Variants in NBAS observed in about 807,000 individuals in gnomAD.
NBAS encodes NBAS subunit of NRZ tethering complex.
NBAS carries 219 observed loss-of-function variants against 302.5 expected under a neutral mutation model. That is an observed-to-expected ratio of 0.72 (90% CI 0.65 to 0.81). The LOEUF (loss-of-function observed/expected upper bound fraction) is 0.81. NBAS is among the 30% of genes least tolerant of loss of function. The pLI is 0.00. For missense variants in NBAS, 2,932 were observed against 2,841.6 expected (o/e 1.03, Z -0.72); for synonymous variants, 1,118 against 1,021.6 (o/e 1.09, Z -1.80).
At chr2:15,046,293 A>G in the NBAS span, among the ~76,000 whole-genome samples, 2 of 152,214 alleles carry the variant, frequency 1.3e-5, no homozygotes, top group African/African-American at 4.8e-5. Flanking sequence ...CTTAATTTGA[A>G]TGAGATACAA....
At chr2:14,969,927 A>G in the NBAS span, among the ~76,000 whole-genome samples, 2 of 152,222 alleles carry the variant, frequency 1.3e-5, no homozygotes, top group African/African-American at 2.4e-5. Context: ...TCCAAATGCA[A>G]TAACAACCAT....
intron 44 of NBAS, among the ~76,000 whole-genome samples, chr2:15,265,197 T>C (rs563554353): frequency 1.3e-5 from 2 of 152,222 alleles, no homozygotes; most frequent in Non-Finnish European, 2.9e-5. Context: ...CAGGCTACAA[T>C]GACCCTTCTC....
chr2:15,278,237 A>G (rs1228323834), intron 42 of NBAS, among the ~76,000 whole-genome samples: 2 of 152,262 alleles, frequency 1.3e-5, no homozygotes, highest in Non-Finnish European at 2.9e-5. Flanking sequence ...CAAAGCATCA[A>G]GTAATTTTTA....
chr2:14,911,861 T>C, the NBAS span, among the ~76,000 whole-genome samples: 1 of 152,234 alleles, frequency 6.6e-6, no homozygotes, highest in African/African-American at 2.4e-5. Context: ...ACAGTGACAC[T>C]ACCTAACATA....
the NBAS span, among the ~76,000 whole-genome samples, chr2:14,805,817 G>T: frequency 6.6e-6 from 1 of 152,214 alleles, no homozygotes; most frequent in Non-Finnish European, 1.5e-5. Flanking sequence ...TTTGGAAAAC[G>T]CCCATTGATC....
At chr2:15,134,077 T>TCC in the NBAS span, among the ~76,000 whole-genome samples, 1 of 151,600 alleles carries the variant, frequency 6.6e-6, no homozygotes, top group South Asian at 2.1e-4. Flanking sequence ...TCTCTCTCTC[T>TCC]CTCTCTCTCT....
Position 15,424,306 on chromosome 2 carries a change from T to A in NBAS, c.2577+9A>T, listed in dbSNP as rs772279745. 5 of 1,613,894 alleles carry A rather than the reference T, an allele frequency of 3.1e-6. No homozygotes were observed. The African/African-American group carries it at 6.7e-5, about 22-fold the overall frequency. On this transcript the variant is annotated intron_variant, in intron 23 of 51. Transcript: ENST00000281513. The stretch of plus-strand genomic sequence containing the variant: ...ACATTACTGAGCAGCAGCTGCCATT[T>A]CCCCTCACCTGCCGAGCATAATGCT...
intron 25 of NBAS, among the ~76,000 whole-genome samples, chr2:15,412,105 G>C (rs1213089053): frequency 6.6e-6 from 1 of 152,050 alleles, no homozygotes; most frequent in African/African-American, 2.4e-5. Context: ...TGTAATGGTA[G>C]CACTAGTATA....
At chr2:15,038,161 G>A in the NBAS span, among the ~76,000 whole-genome samples, 1 of 134,628 alleles carries the variant, frequency 7.4e-6, no homozygotes, top group Non-Finnish European at 1.5e-5. Flanking sequence ...CGCCCAAGCT[G>A]GAGTGCAGTG....
intron 46 of NBAS, among the ~76,000 whole-genome samples, chr2:15,233,056 C>G (rs546720571): frequency 6.6e-6 from 1 of 152,060 alleles, no homozygotes; most frequent in African/African-American, 2.4e-5. Flanking sequence ...AAAATATTTT[C>G]GATGAGTTTT....
At chr2:15,237,183 T>C (rs1667632653) in intron 45 of NBAS, among the ~76,000 whole-genome samples, 1 of 152,226 alleles carries the variant, frequency 6.6e-6, no homozygotes, top group African/African-American at 2.4e-5. Flanking sequence ...CATTTATTTA[T>C]TGATTTGTCA....
chr2:15,451,540 C>T (rs1679011267), intron 21 of NBAS, among the ~76,000 whole-genome samples: 1 of 152,024 alleles, frequency 6.6e-6, no homozygotes, highest in Admixed American at 6.6e-5. Flanking sequence ...GGAATAATAT[C>T]CTCTGATCTT....
the NBAS span, among the ~76,000 whole-genome samples, chr2:14,825,287 A>G: frequency 6.6e-6 from 1 of 152,216 alleles, no homozygotes; most frequent in Non-Finnish European, 1.5e-5. Flanking sequence ...CTCTTGGAAT[A>G]GAATAGAATT....
chr2:15,240,566 G>A (rs1667824031), intron 44 of NBAS, among the ~76,000 whole-genome samples: 4 of 151,958 alleles, frequency 2.6e-5, no homozygotes, highest in South Asian at 4.2e-4. Flanking sequence ...GCAGTGAGCC[G>A]AGATCGCACC....
the NBAS span, among the ~76,000 whole-genome samples, chr2:14,820,783 G>A: frequency 6.6e-6 from 1 of 152,134 alleles, no homozygotes; most frequent in Admixed American, 6.5e-5. Flanking sequence ...AGTTCTTTTA[G>A]GATGGAGCCT....
At chr2:14,838,973 T>C in the NBAS span, among the ~76,000 whole-genome samples, 2,671 of 151,960 alleles carry the variant, frequency 0.018, 93 homozygotes, top group African/African-American at 0.062. Context: ...AAACTAAATA[T>C]AAAAATGTTT....
chr2:15,387,888 G>A (rs748515977), intron 28 of NBAS, among the ~76,000 whole-genome samples: 1 of 152,066 alleles, frequency 6.6e-6, no homozygotes, highest in African/African-American at 2.4e-5. Context: ...GCCCGCCTCC[G>A]CCTCCCAAAG....
At chr2:15,560,653 C>A (rs1436514078) in intron 1 of NBAS, among the ~76,000 whole-genome samples, 1 of 152,024 alleles carries the variant, frequency 6.6e-6, no homozygotes, top group Non-Finnish European at 1.5e-5. Context: ...AGACCTGGCG[C>A]GATCCAGCCC....
chr2:15,241,964 C>T (rs2147955866), intron 44 of NBAS, among the ~76,000 whole-genome samples: 1 of 152,292 alleles, frequency 6.6e-6, no homozygotes, highest in South Asian at 2.1e-4. Context: ...CGTCTTGTCT[C>T]AAGGAAATGC....
Sources: allele counts gnomAD v4.1 joint callset (sites outside exome capture counted in the v4.1 genomes callset), GRCh38; gene constraint gnomAD v4.1.1; transcripts MANE v1.5; gene names NCBI Gene and HGNC (gene_info 2026-07-23, HGNC 2026-07-21).